SNTG1: variants seen among roughly 807,000 people sequenced by gnomAD.
The protein encoded by SNTG1 is gamma-1-syntrophin.
In SNTG1, 39 loss-of-function variants were observed where a neutral mutation model predicts 74.7. That is an observed-to-expected ratio of 0.52 (90% CI 0.40 to 0.68). SNTG1 has a LOEUF of 0.68. Ranked by LOEUF, SNTG1 falls within the 30% of genes least tolerant of loss-of-function variation. The pLI is 0.00. For synonymous variants in SNTG1, 254 were observed against 217.1 expected, an observed-to-expected ratio of 1.17 and a Z score of -1.49; for missense variants, 685 against 609.5, an observed-to-expected ratio of 1.12 and a Z score of -1.30.
Position 50,264,239 on chromosome 8 carries a change from A to T in SNTG1, c.-28+91604A>T, listed in dbSNP as rs192303493. Among the ~76,000 whole-genome samples the T allele has an allele frequency of 2.2e-4, 33 of 152,196 alleles. No homozygotes were observed. In the East Asian group the frequency reaches 6.4e-3, roughly 29 times the overall value. On this transcript the variant is annotated intron_variant, in intron 2 of 18. Coordinates refer to ENST00000642720, the MANE Select transcript of SNTG1 (RefSeq NM_018967.5). The stretch of plus-strand genomic sequence containing the variant: ...AGTCTATTATATTAAAAAGCAGAAG[A>T]ATCTCAAATTAATAACCATAATTTT...
chr8:50,403,431 T>G (rs763619386), intron 4 of SNTG1, among the ~76,000 whole-genome samples: 22 of 152,324 alleles, frequency 1.4e-4, no homozygotes, highest in Non-Finnish European at 2.1e-4. Context: ...ATGTCAAGGC[T>G]GATTAAACTG....
At chr8:50,577,932 A>C (rs148197089) in intron 12 of SNTG1, among the ~76,000 whole-genome samples, 47 of 152,352 alleles carry the variant, frequency 3.1e-4, no homozygotes, top group African/African-American at 1.1e-3. Flanking sequence ...CCTCAGTGAT[A>C]AGATGCAAAG....
intron 2 of SNTG1, among the ~76,000 whole-genome samples, chr8:50,225,305 C>T (rs891659432): frequency 6.6e-6 from 1 of 152,160 alleles, no homozygotes; most frequent in African/African-American, 2.4e-5. Context: ...CTGGAGGCAT[C>T]ATCTGCATAA....
intron 2 of SNTG1, among the ~76,000 whole-genome samples, chr8:50,203,558 G>A (rs922550663): frequency 2.6e-5 from 4 of 152,000 alleles, no homozygotes; most frequent in African/African-American, 9.7e-5. Flanking sequence ...TTTAATAGCA[G>A]CATTTCGGCT....
At chr8:50,789,105 A>G (rs953961694) in intron 18 of SNTG1, among the ~76,000 whole-genome samples, 16 of 151,824 alleles carry the variant, frequency 1.1e-4, no homozygotes, top group Admixed American at 6.6e-5. Context: ...AGCTGCTTGT[A>G]GTAGACTTGC....
chr8:50,384,081 C>T lies in SNTG1; in HGVS notation c.-27-10131C>T, dbSNP rs577786318. Among the ~76,000 whole-genome samples the T allele has an allele frequency of 6.5e-4, 99 of 152,262 alleles. 3 individuals are homozygous for T. The South Asian group carries it at 9.3e-3, about 14-fold the overall frequency. On this transcript the variant is annotated intron_variant, in intron 2 of 18. Transcript: ENST00000642720. ...TACTGAGAGGCACTACCCTCATTTC[C>T]TAAACTCATGAATTCTGGTAATGGG...
At chr8:50,085,625 A>G (rs187753611) in intron 1 of SNTG1, among the ~76,000 whole-genome samples, 2 of 152,258 alleles carry the variant, frequency 1.3e-5, no homozygotes, top group African/African-American at 4.8e-5. Flanking sequence ...TTAGTAGACA[A>G]TCTGTGCTGC....
chr8:50,391,257 T>C (rs1408268459), intron 2 of SNTG1, among the ~76,000 whole-genome samples: 2 of 152,178 alleles, frequency 1.3e-5, no homozygotes, highest in Non-Finnish European at 2.9e-5. Context: ...CGATACCTAA[T>C]GTATTGAGAG....
intron 15 of SNTG1, 101 bp from the exon 16 acceptor site, chr8:50,704,499 C>T: frequency 6.8e-7 from 1 of 1,477,966 alleles, no homozygotes. Context: ...AGAGTGTTGT[C>T]TTTTTACCTG....
At chr8:50,258,892 A>C (rs1277379830) in intron 2 of SNTG1, among the ~76,000 whole-genome samples, 1 of 152,188 alleles carries the variant, frequency 6.6e-6, no homozygotes. Context: ...ATTTTAAAAC[A>C]TAGTAGTTGA....
intron 1 of SNTG1, among the ~76,000 whole-genome samples, chr8:50,004,708 G>A (rs1815051376): frequency 6.6e-6 from 1 of 152,234 alleles, no homozygotes; most frequent in South Asian, 2.1e-4. Flanking sequence ...GAGATTTCTG[G>A]AGCCTTTAGA....
intron 4 of SNTG1, among the ~76,000 whole-genome samples, chr8:50,433,019 A>G (rs2093257268): frequency 6.6e-6 from 1 of 151,952 alleles, no homozygotes; most frequent in African/African-American, 2.4e-5. Context: ...CGAACTCCTG[A>G]CCTCCAGTGA....
chr8:50,408,891 C>A (rs1038380805), intron 4 of SNTG1, among the ~76,000 whole-genome samples: 1 of 152,110 alleles, frequency 6.6e-6, no homozygotes, highest in Non-Finnish European at 1.5e-5. Flanking sequence ...AGCAAAGGGA[C>A]CCCTGGGAAA....
At chr8:50,482,681 C>T (rs567755663) in intron 8 of SNTG1, among the ~76,000 whole-genome samples, 3 of 152,228 alleles carry the variant, frequency 2.0e-5, no homozygotes, top group South Asian at 4.2e-4. Flanking sequence ...ACACCATTGC[C>T]GAGGACACAT....
chr8:50,217,024 T>TAAG (rs1285807247), intron 2 of SNTG1, among the ~76,000 whole-genome samples: 2 of 151,388 alleles, frequency 1.3e-5, no homozygotes, highest in African/African-American at 2.4e-5. Context: ...TATATATTTA[T>TAAG]AAGTTTATTA....
chr8:50,516,951 A>G (rs944100108), intron 9 of SNTG1, among the ~76,000 whole-genome samples: 1 of 152,212 alleles, frequency 6.6e-6, no homozygotes, highest in African/African-American at 2.4e-5. Context: ...AGAACACCAC[A>G]AAGACAGTTA....
intron 2 of SNTG1, among the ~76,000 whole-genome samples, chr8:50,351,842 A>T (rs1219796443): frequency 6.6e-6 from 1 of 152,202 alleles, no homozygotes; most frequent in African/African-American, 2.4e-5. Context: ...AAGTTACTTG[A>T]TGATCTTTGG....
intron 2 of SNTG1, among the ~76,000 whole-genome samples, chr8:50,189,808 T>C (rs1045621401): frequency 6.6e-6 from 1 of 152,178 alleles, no homozygotes; most frequent in African/African-American, 2.4e-5. Flanking sequence ...TATAGTGTTT[T>C]TCAAAAAACT....
chr8:50,582,285 T>G (rs1020620476), intron 12 of SNTG1, among the ~76,000 whole-genome samples: 3 of 152,178 alleles, frequency 2.0e-5, no homozygotes, highest in Admixed American at 6.5e-5. Flanking sequence ...AAATATTAAT[T>G]GAGCACCTAC....
Sources: gnomAD v4.1 joint callset for allele counts (sites outside exome capture counted in the v4.1 genomes callset) on GRCh38, gnomAD v4.1.1 for gene constraint, MANE v1.5 for transcripts, NCBI Gene and HGNC (gene_info 2026-07-23, HGNC 2026-07-21) for gene names.